Variants in DPYSL3 observed in about 807,000 individuals in gnomAD.
The protein encoded by DPYSL3 is dihydropyrimidinase-related protein 3.
A neutral mutation model predicts 66.1 loss-of-function variants in DPYSL3; 16 were observed. That is an observed-to-expected ratio of 0.24 (90% confidence interval 0.16 to 0.37). The LOEUF is 0.37. DPYSL3 is among the 10% of genes least tolerant of loss of function. The probability of loss-of-function intolerance (pLI) is 1.00; values close to 1 mark genes in which losing one functional copy is unlikely to be tolerated. For missense variants in DPYSL3, 738 were observed against 916.2 expected, an observed-to-expected ratio of 0.81 and a Z score of 2.51; for synonymous variants, 338 against 345.1, an observed-to-expected ratio of 0.98 and a Z score of 0.23.
intron 7 of DPYSL3, 136 bp downstream of exon 7, chr5:147,408,592 C>A: frequency 1.2e-6 from 1 of 837,908 alleles, no homozygotes; most frequent in Non-Finnish European, 1.9e-6. Flanking sequence ...TTCTCACGGG[C>A]TCCTGAGTTA....
intron 1 of DPYSL3, among the ~76,000 whole-genome samples, chr5:147,488,578 T>C (rs1753370514): frequency 6.6e-6 from 1 of 151,630 alleles, no homozygotes; most frequent in Admixed American, 6.6e-5. Flanking sequence ...TTAGCCTGCA[T>C]GGTGGTGCAT....
chr5:147,478,658 C>T (rs1281850075), intron 1 of DPYSL3, among the ~76,000 whole-genome samples: 2 of 152,124 alleles, frequency 1.3e-5, no homozygotes, highest in Non-Finnish European at 2.9e-5. Flanking sequence ...AATCCTCTGC[C>T]CCCCACACAC....
rs143844309 is a variant in DPYSL3 at position 147,423,697 on chromosome 5, TTTTGTTTG to T, written c.470+1170_470+1177del. ...TATGATTGATGAAAGCACAAGCTGG[TTTTGTTTG>T]TTTGTTTGTTTGTTTGTTTGTTTTT... On this transcript the variant is annotated intron_variant, in intron 2 of 13. Coordinates refer to ENST00000343218, the MANE Select transcript of DPYSL3 (RefSeq NM_001197294.2). Among the ~76,000 whole-genome samples the T allele has an allele frequency of 4.5e-3, 671 of 150,492 alleles. 2 individuals carry two copies. The highest frequency in any genetic ancestry group is 7.6e-3 in the Non-Finnish European group (515 of 67,578).
At position 147,509,268 on chromosome 5, in the gene DPYSL3, C is replaced by CT. The variant is rs1031278665; in HGVS notation, c.381+209dup. On this transcript the variant is annotated intron_variant, in intron 1 of 13. Transcript: ENST00000343218. This position sits in a 1 kb window ranked among gnomAD's most constrained non-coding sequence, Gnocchi z 5.3. The stretch of plus-strand genomic sequence containing the variant: ...GGGGAACCCGGGCATCCCTTCCGCG[C>CT]TTGCACGAAGATGCTGCAAGTGGCG... Among the ~76,000 whole-genome samples, 1 of 152,242 alleles carries CT rather than the reference C, an allele frequency of 6.6e-6. No homozygotes were observed. Among genetic ancestry groups the CT allele is most frequent in the Non-Finnish European group, 1.5e-5 (1 of 68,046 alleles).
rs1459296202 is a variant in DPYSL3 at position 147,502,114 on chromosome 5, C to T, written c.381+7364G>A. Among the ~76,000 whole-genome samples, 7 of 152,070 alleles carry T rather than the reference C, an allele frequency of 4.6e-5. No individual in the cohort carries two copies. The South Asian group carries it at 6.2e-4, about 14-fold the overall frequency. ...TGTCTGGTGGAGGCCGGCTTTCTGA[C>T]TCAGACGCTGCCTTCTAGCTGTGTT... On this transcript the variant is annotated intron_variant, in intron 1 of 13. Coordinates refer to ENST00000343218, the MANE Select transcript of DPYSL3 (RefSeq NM_001197294.2).
At position 147,393,848 on chromosome 5, in the gene DPYSL3, G is replaced by GA. The variant is rs1757888622; in HGVS notation, c.*186dup. On this transcript the variant is annotated 3_prime_UTR_variant, in exon 14 of 14. Transcript: ENST00000343218. ...AACAAATCAAGGCTATGCATAAACAGAAAACAAAGCAATATTCGTAAAGCT... is the reference window on the plus strand; with the variant it reads ...AACAAATCAAGGCTATGCATAAACAGAAAAACAAAGCAATATTCGTAAAGCT... 1 of 641,818 alleles carries GA rather than the reference G, an allele frequency of 1.6e-6. No homozygotes were observed. Among genetic ancestry groups the GA allele is most frequent in the African/African-American group, 1.8e-5 (1 of 54,350 alleles). 39.8% of individuals were successfully genotyped at this position (641,818 alleles called of 1,614,324 possible).
At chr5:147,503,712 A>G (rs1379201631) in intron 1 of DPYSL3, among the ~76,000 whole-genome samples, 2 of 152,246 alleles carry the variant, frequency 1.3e-5, no homozygotes, top group African/African-American at 4.8e-5. Context: ...TTAAAGATGC[A>G]CAATCAAGAA....
chr5:147,427,333 A>G (rs961379851), intron 1 of DPYSL3, among the ~76,000 whole-genome samples: 1 of 152,202 alleles, frequency 6.6e-6, no homozygotes. Context: ...GGAACAATGT[A>G]TCTTTTGATA....
In DPYSL3 at chr5:147,418,574, C is replaced by T; in HGVS notation, c.528G>A (p.Gly176=). Residue 176 remains glycine (G), a synonymous_variant, in exon 3 of 14, where the codon GGG becomes GGA. Transcript: ENST00000343218. ...CGATGCCTCCAGGGATCACCATCTT[C>T]CCATTGGCTTCAATGGTCTTCACTC... ...PGGVKTIEAN[G]KMVIPGGIDV... 1 of 1,612,180 alleles carries T rather than the reference C, an allele frequency of 6.2e-7. No homozygotes were observed. The highest frequency in any genetic ancestry group is 1.1e-5 in the South Asian group (1 of 90,598).
chr5:147,471,405 C>T (rs1014350686), intron 1 of DPYSL3, among the ~76,000 whole-genome samples: 2 of 152,202 alleles, frequency 1.3e-5, no homozygotes, highest in African/African-American at 2.4e-5. Flanking sequence ...TTGTGATTCT[C>T]TCTAATCCTC....
rs1485642211 is a variant in DPYSL3, at chr5:147,509,598, G to A, written c.261C>T (p.Arg87=). ...TGCTCTCTTCCCGGCCTTGGCCCCT[G>A]CGCGGGGTGTCCCCCTCGATCCCGG... ...SRPGIEGDTP[R]RGQGREESRE... Residue 87 remains arginine (R), a synonymous_variant, in exon 1 of 14, where the codon CGC becomes CGT. Coordinates refer to ENST00000343218, the MANE Select transcript of DPYSL3 (RefSeq NM_001197294.2). This position sits in a 1 kb window ranked among gnomAD's most constrained non-coding sequence, Gnocchi z 5.3. The A allele has an allele frequency of 2.0e-6, 3 of 1,535,378 alleles. No homozygotes were observed. The African/African-American group carries it at 4.1e-5, about 21-fold the overall frequency.
At chr5:147,461,308 C>A (rs1752927706) in intron 1 of DPYSL3, among the ~76,000 whole-genome samples, 2 of 152,282 alleles carry the variant, frequency 1.3e-5, no homozygotes, top group South Asian at 4.2e-4. Flanking sequence ...CTAGTCCTAA[C>A]CAGGTTTTCA....
chr5:147,466,291 G>A (rs1012986633), intron 1 of DPYSL3, among the ~76,000 whole-genome samples: 1 of 152,176 alleles, frequency 6.6e-6, no homozygotes. Context: ...GAAATTTAGA[G>A]ACTGTTGAGT....
At chr5:147,500,471 G>A (rs981155442) in intron 1 of DPYSL3, among the ~76,000 whole-genome samples, 5 of 151,880 alleles carry the variant, frequency 3.3e-5, no homozygotes, top group African/African-American at 7.3e-5. Context: ...AGAATTAGCC[G>A]GGCGTGGTTG....
At chr5:147,492,025 T>A (rs898194579) in intron 1 of DPYSL3, among the ~76,000 whole-genome samples, 1 of 152,062 alleles carries the variant, frequency 6.6e-6, no homozygotes, top group African/African-American at 2.4e-5. Flanking sequence ...AATCAAATAT[T>A]TTTGAAAATC....
chr5:147,412,528 A>C, intron 6 of DPYSL3, 80 bp downstream of exon 6: 1 of 1,386,456 alleles, frequency 7.2e-7, no homozygotes, highest in Non-Finnish European at 1.0e-6. Flanking sequence ...ACATATTGAG[A>C]GCTCAAGCAG....
intron 1 of DPYSL3, 57 bp from the exon 2 acceptor site, chr5:147,425,020 A>C: frequency 7.1e-7 from 1 of 1,405,904 alleles, no homozygotes; most frequent in Non-Finnish European, 1.0e-6. Flanking sequence ...GAGAAGAGTG[A>C]TCTGCCAAGG....
intron 2 of DPYSL3, among the ~76,000 whole-genome samples, chr5:147,420,170 G>C (rs1752050484): frequency 6.6e-6 from 1 of 152,160 alleles, no homozygotes; most frequent in African/African-American, 2.4e-5. Flanking sequence ...TCACAATCCT[G>C]GCTCTGCTAG....
chr5:147,437,415 G>A (rs1752432635), intron 1 of DPYSL3, among the ~76,000 whole-genome samples: 1 of 152,208 alleles, frequency 6.6e-6, no homozygotes, highest in African/African-American at 2.4e-5. Context: ...AGGCCACAGG[G>A]ATTCTTCTTC....
Sources: gnomAD v4.1 joint callset for allele counts (sites outside exome capture counted in the v4.1 genomes callset) on GRCh38, gnomAD v4.1.1 for gene constraint, Gnocchi (gnomAD v3.1) non-coding constraint, MANE v1.5 for transcripts, NCBI Gene and HGNC (gene_info 2026-07-23, HGNC 2026-07-21) for gene names.